RBFOX1: variants seen among roughly 807,000 people sequenced by gnomAD.
RBFOX1 encodes the protein RNA binding protein fox-1 homolog 1.
A neutral mutation model predicts 57.7 loss-of-function variants in RBFOX1; 8 were observed. The ratio of observed to expected loss-of-function variants is 0.14; its 90% CI spans 0.08 to 0.25. The LOEUF is 0.25. Among genes scored for constraint, RBFOX1 ranks in the 10% least tolerant of loss-of-function variants. The probability of loss-of-function intolerance (pLI) is 1.00; values close to 1 mark genes in which losing one functional copy is unlikely to be tolerated. For synonymous variants in RBFOX1, 326 were observed against 222.4 expected, an observed-to-expected ratio of 1.47 and a Z score of -4.15; for missense variants, 611 against 548.5, an observed-to-expected ratio of 1.11 and a Z score of -1.14.
intron 3 of RBFOX1, among the ~76,000 whole-genome samples, chr16:5,825,818 A>G (rs182823311): frequency 1.4e-5 from 2 of 145,044 alleles, no homozygotes; most frequent in African/African-American, 5.1e-5. Context: ...AATAAGGAAT[A>G]ATATTCCTTA....
Position 5,944,790 on chromosome 16 carries a change from T to TAAAAAAAAAAAA in RBFOX1, c.351+77463_351+77474dup, listed in dbSNP as rs60749168. Reference sequence around the variant, plus strand: ...CAACTTGGTGAAACCCTGTCTCTGCTAAAAAAAAAAAAAAAAAAATTAGCT... The same window carrying TAAAAAAAAAAAA: ...CAACTTGGTGAAACCCTGTCTCTGCTAAAAAAAAAAAAAAAAAAAAAAAAAAAAAAATTAGCT... On this transcript the variant is annotated intron_variant, in intron 4 of 19. Transcript: ENST00000641259. 1.2e-3 allele frequency among the ~76,000 whole-genome samples: 50 copies of TAAAAAAAAAAAA among 41,248 alleles called. 4 individuals are homozygous for TAAAAAAAAAAAA. The highest frequency in any genetic ancestry group is 4.3e-3 in the East Asian group (11 of 2,564). The allele number at this position is 41,248 out of a possible 152,430, so 27.1% of individuals were successfully genotyped here. A position where few individuals can be genotyped will look rare whatever the true frequency, so the allele number is the denominator to read the frequency against.
At chr16:7,017,143 G>C (rs1597109224) in intron 3 of RBFOX1, among the ~76,000 whole-genome samples, 2 of 152,128 alleles carry the variant, frequency 1.3e-5, no homozygotes, top group Non-Finnish European at 1.5e-5. Context: ...AAGCAAAACA[G>C]CTGTTAAGGT....
chr16:6,435,287 T>C (rs1049208755), intron 2 of RBFOX1, among the ~76,000 whole-genome samples: 3 of 152,128 alleles, frequency 2.0e-5, no homozygotes, highest in African/African-American at 7.2e-5. Flanking sequence ...ATTGTTGTTA[T>C]TGTTGTTGTT....
intron 4 of RBFOX1, among the ~76,000 whole-genome samples, chr16:7,162,979 A>G (rs968765766): frequency 1.3e-5 from 2 of 152,172 alleles, no homozygotes. Context: ...GTCACCTGGC[A>G]TCTCCACGAT....
At chr16:7,390,404 T>A (rs567011971) in intron 4 of RBFOX1, among the ~76,000 whole-genome samples, 1 of 152,330 alleles carries the variant, frequency 6.6e-6, no homozygotes, top group Non-Finnish European at 1.5e-5. Context: ...GAGATTTCGA[T>A]ACTTGGAGTC....
intron 3 of RBFOX1, among the ~76,000 whole-genome samples, chr16:6,729,393 A>G (rs1435899249): frequency 6.6e-6 from 1 of 152,232 alleles, no homozygotes; most frequent in African/African-American, 2.4e-5. Context: ...TAGTTTATCA[A>G]GTACCTTTTA....
intron 4 of RBFOX1, among the ~76,000 whole-genome samples, chr16:7,269,887 A>G (rs1757555694): frequency 2.0e-5 from 3 of 152,214 alleles, no homozygotes. Flanking sequence ...ATAGCGTATT[A>G]GCATACCGTT....
chr16:5,943,972 C>G (rs1052465044), intron 4 of RBFOX1, among the ~76,000 whole-genome samples: 8 of 151,568 alleles, frequency 5.3e-5, no homozygotes, highest in Non-Finnish European at 8.8e-5. Flanking sequence ...TCCACCCCCC[C>G]ACCCATCCAT....
intron 2 of RBFOX1, among the ~76,000 whole-genome samples, chr16:6,611,809 C>G (rs1036921885): frequency 6.6e-6 from 1 of 152,118 alleles, no homozygotes; most frequent in African/African-American, 2.4e-5. Context: ...ACCCTGAGTC[C>G]TCCCTCAGGG....
intron 4 of RBFOX1, among the ~76,000 whole-genome samples, chr16:7,328,232 A>G (rs1314564473): frequency 6.6e-6 from 1 of 152,138 alleles, no homozygotes; most frequent in Non-Finnish European, 1.5e-5. Flanking sequence ...CTGTAATCCC[A>G]GCACTTTGGG....
intron 1 of RBFOX1, among the ~76,000 whole-genome samples, chr16:6,117,101 G>A (rs988158974): frequency 2.0e-5 from 3 of 152,164 alleles, no homozygotes; most frequent in African/African-American, 4.8e-5. Flanking sequence ...CCTTCTTGGA[G>A]TAGTTGTAGA....
chr16:7,347,935 C>A (rs995417873), intron 4 of RBFOX1, among the ~76,000 whole-genome samples: 1 of 152,204 alleles, frequency 6.6e-6, no homozygotes, highest in Non-Finnish European at 1.5e-5. Flanking sequence ...GACACTCATT[C>A]ATGCTAGTGC....
At chr16:7,168,319 G>C (rs2079985891) in intron 4 of RBFOX1, among the ~76,000 whole-genome samples, 2 of 152,136 alleles carry the variant, frequency 1.3e-5, no homozygotes, top group South Asian at 4.1e-4. Context: ...TTTTGCAGCT[G>C]AGACATAAAG....
At chr16:7,691,409 TGAAAG>T (rs1340285153) in intron 14 of RBFOX1, among the ~76,000 whole-genome samples, 10 of 125,032 alleles carry the variant, frequency 8.0e-5, no homozygotes, top group South Asian at 5.1e-4. Flanking sequence ...GAAGGGAAAA[TGAAAG>T]GAGAGAAAGA....
At chr16:5,439,226 T>G (rs60616467) in intron 1 of RBFOX1, among the ~76,000 whole-genome samples, 1 of 151,814 alleles carries the variant, frequency 6.6e-6, no homozygotes, top group African/African-American at 2.4e-5. Context: ...ATGTGAGTCA[T>G]TCCAGGAAGG....
chr16:6,647,806 C>G (rs972789079), intron 2 of RBFOX1, among the ~76,000 whole-genome samples: 1 of 152,098 alleles, frequency 6.6e-6, no homozygotes, highest in Non-Finnish European at 1.5e-5. Context: ...ACAATCTTAG[C>G]TCACTGTAGC....
chr16:7,692,517 A>G (rs1187457270), intron 14 of RBFOX1, among the ~76,000 whole-genome samples: 1 of 152,218 alleles, frequency 6.6e-6, no homozygotes, highest in Non-Finnish European at 1.5e-5. Context: ...ATGAAAACCC[A>G]GAGCCCCTGT....
intron 3 of RBFOX1, among the ~76,000 whole-genome samples, chr16:6,734,036 G>GT (rs1451833391): frequency 6.6e-6 from 1 of 152,188 alleles, no homozygotes; most frequent in Non-Finnish European, 1.5e-5. Context: ...ACGTGCTTAT[G>GT]TTTCTTGCCA....
intron 1 of RBFOX1, among the ~76,000 whole-genome samples, chr16:6,277,722 C>A (rs1394240002): frequency 2.6e-5 from 4 of 151,610 alleles, no homozygotes. Context: ...CTCCTTGGAT[C>A]CCGACCGCTG....
Sources: allele counts gnomAD v4.1 joint callset (sites outside exome capture counted in the v4.1 genomes callset), GRCh38; gene constraint gnomAD v4.1.1; transcripts MANE v1.5; gene names NCBI Gene and HGNC (gene_info 2026-07-23, HGNC 2026-07-21).